The following GTF2A1L variants were observed in gnomAD, a reference collection of about 807,000 sequenced individuals.
GTF2A1L encodes TFIIA-alpha and beta-like factor.
GTF2A1L carries 48 observed loss-of-function variants against 49.7 expected under a neutral mutation model. The observed-to-expected ratio is 0.97, with a 90% confidence interval of 0.77 to 1.23. The LOEUF (loss-of-function observed/expected upper bound fraction) is 1.23. GTF2A1L is among the 50% of genes most tolerant of loss of function. The pLI is 0.00. For synonymous variants in GTF2A1L, 246 were observed against 193.5 expected, an observed-to-expected ratio of 1.27 and a Z score of -2.25; for missense variants, 736 against 564.8, an observed-to-expected ratio of 1.30 and a Z score of -3.07.
chr2:48,639,948 G>C (rs1191712704), intron 3 of GTF2A1L, among the ~76,000 whole-genome samples: 17 of 152,150 alleles, frequency 1.1e-4, no homozygotes, highest in Admixed American at 1.0e-3. Context: ...ATGAAAAAAA[G>C]CTCAATATTA....
At chr2:48,644,208 A>G (rs1457032678) in intron 4 of GTF2A1L, among the ~76,000 whole-genome samples, 1 of 152,160 alleles carries the variant, frequency 6.6e-6, no homozygotes, top group Non-Finnish European at 1.5e-5. Flanking sequence ...AAATAAAATA[A>G]AGAGTTCTGT....
chr2:48,672,801 G>A lies in GTF2A1L; in HGVS notation c.1329+1121G>A, dbSNP rs1284586345. On this transcript the variant is annotated intron_variant, in intron 8 of 8. Coordinates refer to ENST00000403751, the MANE Select transcript of GTF2A1L (RefSeq NM_006872.5). The stretch of plus-strand genomic sequence containing the variant: ...ATATAATGAACATAGTATACAATTC[G>A]CCTATTTAAAGTATACAATTCAATG... Among the ~76,000 whole-genome samples, 3 of 151,986 alleles carry A rather than the reference G, an allele frequency of 2.0e-5. No homozygotes were observed. In the East Asian group the frequency reaches 5.8e-4, roughly 29 times the overall value.
intron 3 of GTF2A1L, among the ~76,000 whole-genome samples, chr2:48,628,006 T>C (rs1443766527): frequency 1.4e-5 from 2 of 144,268 alleles, no homozygotes. Flanking sequence ...ATTAATTCAC[T>C]TAGGATACCA....
intron 8 of GTF2A1L, among the ~76,000 whole-genome samples, chr2:48,676,403 G>T (rs1160254829): frequency 6.6e-6 from 1 of 151,726 alleles, no homozygotes; most frequent in Admixed American, 6.6e-5. Flanking sequence ...ACGTGGTTAG[G>T]TATTCCCAAA....
chr2:48,620,749 C>G (rs1001089201), intron 1 of GTF2A1L, 102 bp from the exon 2 acceptor site: 1 of 728,826 alleles, frequency 1.4e-6, no homozygotes, highest in Non-Finnish European at 1.7e-6. Flanking sequence ...CGCACTCCAG[C>G]CTGGGCAACA....
At chr2:48,670,509 G>C (rs1679111050) in intron 7 of GTF2A1L, among the ~76,000 whole-genome samples, 1 of 152,172 alleles carries the variant, frequency 6.6e-6, no homozygotes, top group Non-Finnish European at 1.5e-5. Flanking sequence ...GGTGATCTAG[G>C]CAATGGGAGT....
Position 48,621,295 on chromosome 2 carries a change from G to C in GTF2A1L, c.247+5G>C, listed in dbSNP as rs1046580922. 2 of 1,613,974 alleles carry C rather than the reference G, an allele frequency of 1.2e-6. No individual in the cohort carries two copies. Among genetic ancestry groups the C allele is most frequent in the Non-Finnish European group, 1.7e-6 (2 of 1,179,984 alleles). ...AAACATTGCAATCGTCAACAGGTTG[G>C]ATACCATTAGTAAATGAGTACTGTT... On this transcript the variant is annotated splice_donor_5th_base_variant and intron_variant, in intron 3 of 8. Transcript: ENST00000403751.
intron 3 of GTF2A1L, 29 bp from the exon 4 acceptor site, chr2:48,642,373 A>G: frequency 6.5e-7 from 1 of 1,533,010 alleles, no homozygotes; most frequent in South Asian, 1.3e-5. Context: ...AATTCTAATG[A>G]ATGTATATTT....
chr2:48,629,442 C>G lies in GTF2A1L; in HGVS notation c.247+8152C>G, dbSNP rs1572702267. Among the ~76,000 whole-genome samples the G allele has an allele frequency of 1.4e-5, 2 of 144,258 alleles. 1 individual carries two copies. Among genetic ancestry groups the G allele is most frequent in the South Asian group, 4.7e-4 (2 of 4,240 alleles). The allele number at this position is 144,258 out of a possible 152,430, so 94.6% of individuals were successfully genotyped here. ...TTGGCTTTCTTGGGTTCCAGTCCAC[C>G]TGGAGCATGGGCTGGAGTCATCTCA... On this transcript the variant is annotated intron_variant, in intron 3 of 8. Transcript: ENST00000403751.
At chr2:48,647,176 T>C (rs1408416309) in intron 6 of GTF2A1L, 134 bp downstream of exon 6, 1 of 858,466 alleles carries the variant, frequency 1.2e-6, no homozygotes, top group African/African-American at 1.8e-5. Flanking sequence ...AGATTATTTC[T>C]TTTTTCTAGT....
intron 6 of GTF2A1L, among the ~76,000 whole-genome samples, chr2:48,666,700 C>T (rs1003271660): frequency 6.6e-6 from 1 of 151,750 alleles, no homozygotes; most frequent in African/African-American, 2.4e-5. Flanking sequence ...CTACTGATGA[C>T]CCCTTCACAT....
chr2:48,677,683 C>T (rs974728511), intron 8 of GTF2A1L, among the ~76,000 whole-genome samples: 3 of 151,868 alleles, frequency 2.0e-5, no homozygotes, highest in Non-Finnish European at 2.9e-5. Context: ...AGGGTAAAAA[C>T]AGGAACTAGT....
intron 3 of GTF2A1L, among the ~76,000 whole-genome samples, chr2:48,622,676 G>A (rs1481460812): frequency 1.3e-5 from 2 of 151,738 alleles, no homozygotes; most frequent in Admixed American, 1.3e-4. Flanking sequence ...AAAAACAAAA[G>A]CACAAAAATT....
At chr2:48,656,339 T>G (rs7422116) in intron 6 of GTF2A1L, among the ~76,000 whole-genome samples, 2 of 142,728 alleles carry the variant, frequency 1.4e-5, no homozygotes, top group Non-Finnish European at 1.5e-5. Context: ...CCACCAACGC[T>G]TATTTTCTGT....
intron 3 of GTF2A1L, among the ~76,000 whole-genome samples, chr2:48,633,937 A>G (rs1676734794): frequency 6.6e-6 from 1 of 152,088 alleles, no homozygotes; most frequent in African/African-American, 2.4e-5. Context: ...GTCTTATATA[A>G]TAATAGTGAC....
In GTF2A1L at chr2:48,677,156, A is replaced by AT. The variant is rs555954090; in HGVS notation, c.1330-2172dup. On this transcript the variant is annotated intron_variant, in intron 8 of 8. Transcript: ENST00000403751. Reference sequence around the variant, plus strand: ...TGGTAAGGTTAGTAATTCTTTACTAATTTTTTTGCAGAGTTTTCCTGGATA... The same window carrying AT: ...TGGTAAGGTTAGTAATTCTTTACTAATTTTTTTTGCAGAGTTTTCCTGGATA... Among the ~76,000 whole-genome samples, 9 of 151,908 alleles carry AT rather than the reference A, an allele frequency of 5.9e-5. No individual in the cohort carries two copies. The South Asian group carries it at 1.7e-3, about 28-fold the overall frequency.
chr2:48,646,640 C>G lies in GTF2A1L; in HGVS notation c.576C>G (p.Thr192=). 3 of 1,613,978 alleles carry G rather than the reference C, an allele frequency of 1.9e-6. No homozygotes were observed. Among genetic ancestry groups the G allele is most frequent in the African/African-American group, 1.3e-5 (1 of 75,000 alleles). ...ATTEKSQRIE[T]VLQQPAILPS... The stretch of plus-strand genomic sequence containing the variant: ...CTGAAAAATCACAGAGAATTGAAAC[C>G]GTGCTACAGCAACCCGCAATTCTAC... Residue 192 remains threonine, a synonymous_variant, in exon 6 of 9, where the codon ACC becomes ACG. Coordinates refer to ENST00000403751, the MANE Select transcript of GTF2A1L (RefSeq NM_006872.5).
In GTF2A1L at chr2:48,620,898, G is replaced by T; in HGVS notation, c.69G>T (p.Arg23=). ...TTGAAGATGTAATTGAAGGAGTTCG[G>T]AATCTATTTGCTGAAGAAGGTATAG... The part of the protein sequence containing the change: ...SVIEDVIEGV[R]NLFAEEGIEE... The change falls in exon 2 of 9, where the codon CGG becomes CGT. Residue 23 remains arginine (R), a synonymous_variant. Transcript: ENST00000403751. 6.2e-7 allele frequency: 1 copy of T among 1,604,614 alleles called. No individual in the cohort carries two copies. The highest frequency in any genetic ancestry group is 8.5e-7 in the Non-Finnish European group (1 of 1,175,696).
chr2:48,656,348 G>GTTTTTTTTTTT (rs367837291), intron 6 of GTF2A1L, among the ~76,000 whole-genome samples: 13 of 114,536 alleles, frequency 1.1e-4, no homozygotes, highest in African/African-American at 1.7e-4. Context: ...CTTATTTTCT[G>GTTTTTTTTTTT]TTTTTTTTTT....
Sources: gnomAD v4.1 joint callset for allele counts (sites outside exome capture counted in the v4.1 genomes callset) on GRCh38, gnomAD v4.1.1 for gene constraint, MANE v1.5 for transcripts, NCBI Gene and HGNC (gene_info 2026-07-23, HGNC 2026-07-21) for gene names.